Variants in PTPRR observed in about 807,000 individuals in gnomAD.
The protein encoded by PTPRR is protein tyrosine phosphatase receptor type R.
In PTPRR, 38 loss-of-function variants were observed where a neutral mutation model predicts 77.2. That is an observed-to-expected ratio of 0.49 (90% confidence interval 0.38 to 0.65). The LOEUF (loss-of-function observed/expected upper bound fraction) is 0.65. PTPRR is among the 30% of genes least tolerant of loss of function. PTPRR has a pLI of 0.00. For synonymous variants in PTPRR, 299 were observed against 283.1 expected (o/e 1.06, Z -0.57); for missense variants, 744 against 799.2 (o/e 0.93, Z 0.83).
chr12:70,784,542 G>C (rs908195439), intron 2 of PTPRR, among the ~76,000 whole-genome samples: 1 of 152,216 alleles, frequency 6.6e-6, no homozygotes, highest in African/African-American at 2.4e-5. Flanking sequence ...GCGGTGCCCA[G>C]GGCAGCAGGC....
chr12:70,695,396 G>C (rs1459511139), intron 8 of PTPRR, among the ~76,000 whole-genome samples: 2 of 152,108 alleles, frequency 1.3e-5, no homozygotes, highest in African/African-American at 4.8e-5. Context: ...GCTTTTCTAA[G>C]CTATATTTCC....
chr12:70,884,996 C>CT (rs981645441), intron 2 of PTPRR, among the ~76,000 whole-genome samples: 8 of 150,766 alleles, frequency 5.3e-5, no homozygotes, highest in Middle Eastern at 3.5e-3. Context: ...AGAACATTCT[C>CT]TTTTTTTGTT....
chr12:70,684,818 G>A (rs755275224), intron 8 of PTPRR, 35 bp from the exon 9 acceptor site: 1 of 1,461,424 alleles, frequency 6.8e-7, no homozygotes, highest in South Asian at 1.2e-5. Flanking sequence ...ATATTAAACA[G>A]ATTTACCCTT....
At chr12:70,730,381 G>A (rs1350331453) in intron 6 of PTPRR, among the ~76,000 whole-genome samples, 1 of 152,074 alleles carries the variant, frequency 6.6e-6, no homozygotes, top group Non-Finnish European at 1.5e-5. Flanking sequence ...CATGGTGACG[G>A]GCACCTGTAA....
At chr12:70,794,394 T>C (rs2137012812) in intron 2 of PTPRR, among the ~76,000 whole-genome samples, 1 of 152,238 alleles carries the variant, frequency 6.6e-6, no homozygotes, top group South Asian at 2.1e-4. Context: ...TGGAATGGAA[T>C]TTGTCCTAAG....
chr12:70,664,524 G>T (rs142368829), intron 10 of PTPRR: 2 of 152,290 alleles, frequency 1.3e-5, no homozygotes, highest in African/African-American at 2.4e-5. Flanking sequence ...CATTGTCCAC[G>T]ATCAGACCTG....
At chr12:70,694,523 G>T (rs964623375) in intron 8 of PTPRR, among the ~76,000 whole-genome samples, 1 of 152,054 alleles carries the variant, frequency 6.6e-6, no homozygotes, top group Non-Finnish European at 1.5e-5. Context: ...GCAGCTGGAG[G>T]CCATTATTCT....
At chr12:70,713,008 CA>C (rs927218465) in intron 6 of PTPRR, among the ~76,000 whole-genome samples, 1 of 152,026 alleles carries the variant, frequency 6.6e-6, no homozygotes, top group African/African-American at 2.4e-5. Flanking sequence ...TCACTCCCCC[CA>C]AAAAAATTCT....
chr12:70,838,146 G>A (rs757354537), intron 2 of PTPRR, among the ~76,000 whole-genome samples: 13 of 152,004 alleles, frequency 8.6e-5, no homozygotes, highest in South Asian at 2.1e-4. Context: ...CATTTTCTCC[G>A]CATTTCTTTA....
chr12:70,775,460 A>G (rs1197268946), intron 2 of PTPRR, among the ~76,000 whole-genome samples: 1 of 152,242 alleles, frequency 6.6e-6, no homozygotes, highest in Non-Finnish European at 1.5e-5. Flanking sequence ...TTGAATTATA[A>G]GTATGTGATT....
intron 4 of PTPRR, among the ~76,000 whole-genome samples, chr12:70,757,517 T>A (rs1890590202): frequency 6.6e-6 from 1 of 152,160 alleles, no homozygotes; most frequent in African/African-American, 2.4e-5. Flanking sequence ...ATAAAGGAAA[T>A]AATGTCTTTT....
At chr12:70,836,508 A>G (rs1218609971) in intron 2 of PTPRR, among the ~76,000 whole-genome samples, 2 of 152,004 alleles carry the variant, frequency 1.3e-5, no homozygotes, top group African/African-American at 4.8e-5. Context: ...TTTTGGACTA[A>G]AGTCCAAAAC....
rs749055991 is a variant in PTPRR, at chr12:70,701,298, A to G, written c.1033T>C (p.Leu345=). 1.7e-5 allele frequency: 28 copies of G among 1,613,756 alleles called. No individual in the cohort carries two copies. The African/African-American group carries it at 3.2e-4, about 18-fold the overall frequency. ...ATGTTCCCCAAGCTACTCATGTCCA[A>G]TGTAAGAGATACGTTGGACCCTCTT... The part of the protein sequence containing the change: ...ERRGSNVSLT[L]DMSSLGNIEP... Residue 345 remains leucine, a synonymous_variant, in exon 7 of 14, where the codon TTG becomes CTG. Transcript: ENST00000283228.
intron 2 of PTPRR, among the ~76,000 whole-genome samples, chr12:70,796,067 G>T (rs1891508374): frequency 6.6e-6 from 1 of 151,708 alleles, no homozygotes; most frequent in Non-Finnish European, 1.5e-5. Context: ...GGGACTACAG[G>T]TGCTTGCCAT....
At chr12:70,740,058 A>G (rs1342519386) in intron 6 of PTPRR, among the ~76,000 whole-genome samples, 1 of 152,228 alleles carries the variant, frequency 6.6e-6, no homozygotes, top group Non-Finnish European at 1.5e-5. Context: ...ATTTTTGCAC[A>G]GCAAAGTATG....
intron 2 of PTPRR, among the ~76,000 whole-genome samples, chr12:70,863,982 T>G (rs961638860): frequency 9.9e-5 from 15 of 152,164 alleles, no homozygotes; most frequent in African/African-American, 3.6e-4. Flanking sequence ...GTGTTTTAAT[T>G]ATAAAGAACA....
chr12:70,702,979 T>C (rs547595729), intron 6 of PTPRR, among the ~76,000 whole-genome samples: 1 of 152,176 alleles, frequency 6.6e-6, no homozygotes, highest in East Asian at 1.9e-4. Context: ...ATCACCTTAT[T>C]TATTATACCA....
At chr12:70,806,617 T>G (rs1891714035) in intron 2 of PTPRR, among the ~76,000 whole-genome samples, 1 of 152,180 alleles carries the variant, frequency 6.6e-6, no homozygotes, top group Non-Finnish European at 1.5e-5. Context: ...TAAAAACACT[T>G]GTACATTCTC....
intron 10 of PTPRR, among the ~76,000 whole-genome samples, chr12:70,674,915 A>G (rs999209889): frequency 6.6e-6 from 1 of 151,986 alleles, no homozygotes; most frequent in Non-Finnish European, 1.5e-5. Context: ...GGGGGAGGTT[A>G]TGTATATTAT....
Sources: gnomAD v4.1 joint callset for allele counts (sites outside exome capture counted in the v4.1 genomes callset) on GRCh38, gnomAD v4.1.1 for gene constraint, MANE v1.5 for transcripts, NCBI Gene and HGNC (gene_info 2026-07-23, HGNC 2026-07-21) for gene names.